The following COL24A1 variants were observed in gnomAD, a reference collection of about 807,000 sequenced individuals.
The protein encoded by COL24A1 is collagen type XXIV alpha 1 chain.
A neutral mutation model predicts 253.9 loss-of-function variants in COL24A1; 224 were observed. The ratio of observed to expected loss-of-function variants is 0.88; its 90% CI spans 0.79 to 0.99. The LOEUF is 0.99. COL24A1 is among the 50% of genes least tolerant of loss of function. COL24A1 has a pLI of 0.00. For missense variants in COL24A1, 2,131 were observed against 2,068.5 expected (o/e 1.03, Z -0.59); for synonymous variants, 685 against 673.7 (o/e 1.02, Z -0.26).
intron 53 of COL24A1, 131 bp downstream of exon 53, chr1:85,775,543 A>C (rs891326988): frequency 2.8e-6 from 2 of 725,924 alleles, no homozygotes; most frequent in Non-Finnish European, 4.5e-6. Context: ...ACTTCCTGAC[A>C]ACTGCAATTT....
intron 44 of COL24A1, 30 bp from the exon 45 acceptor site, chr1:85,823,619 T>C (rs760120297): frequency 1.2e-6 from 2 of 1,613,640 alleles, no homozygotes; most frequent in South Asian, 2.2e-5. Flanking sequence ...AAAAATCACA[T>C]ATGAAGCAGA....
At chr1:85,839,018 C>T (rs921870947) in intron 42 of COL24A1, among the ~76,000 whole-genome samples, 3 of 151,468 alleles carry the variant, frequency 2.0e-5, no homozygotes, top group East Asian at 2.0e-4. Context: ...TGGGCAATAA[C>T]GTGAGACCCT....
intron 45 of COL24A1, among the ~76,000 whole-genome samples, chr1:85,820,998 A>T (rs193096076): frequency 6.6e-6 from 1 of 152,380 alleles, no homozygotes; most frequent in Non-Finnish European, 1.5e-5. Context: ...TTAAGAAGGC[A>T]GCTTTATAAA....
chr1:86,058,318 A>T (rs1017993315), intron 9 of COL24A1, among the ~76,000 whole-genome samples: 5 of 151,348 alleles, frequency 3.3e-5, no homozygotes, highest in Admixed American at 6.6e-5. Flanking sequence ...AGGCCCATAA[A>T]TTTTTTTTAA....
intron 3 of COL24A1, among the ~76,000 whole-genome samples, chr1:86,119,766 T>C (rs1183972515): frequency 1.3e-5 from 2 of 152,040 alleles, no homozygotes; most frequent in African/African-American, 2.4e-5. Flanking sequence ...TAAAAATGAA[T>C]AATAACCAGA....
chr1:86,089,079 C>T (rs763341132), intron 7 of COL24A1, 95 bp downstream of exon 7: 1 of 942,860 alleles, frequency 1.1e-6, no homozygotes, highest in Non-Finnish European at 1.6e-6. Flanking sequence ...ATCCATATAT[C>T]ATCCAATTAT....
chr1:86,013,121 G>T (rs1184338687), intron 19 of COL24A1, among the ~76,000 whole-genome samples: 1 of 152,154 alleles, frequency 6.6e-6, no homozygotes, highest in Admixed American at 6.5e-5. Context: ...GAAGTAATTT[G>T]CTCAAGGTAC....
At position 85,778,889 on chromosome 1, in the gene COL24A1, C is replaced by T. The variant is rs552854304; in HGVS notation, c.4338+2331G>A. Reference sequence around the variant, plus strand: ...AAAGTGCTGGGATTACAAGCATGAGCCACTGCGCTTGGCCTCTTCTAAGAT... The same window carrying T: ...AAAGTGCTGGGATTACAAGCATGAGTCACTGCGCTTGGCCTCTTCTAAGAT... On this transcript the variant is annotated intron_variant, in intron 52 of 59. Coordinates refer to ENST00000370571, the MANE Select transcript of COL24A1 (RefSeq NM_152890.7). Among the ~76,000 whole-genome samples, 7 of 152,294 alleles carry T rather than the reference C, an allele frequency of 4.6e-5. No individual in the cohort carries two copies. The South Asian group carries it at 1.4e-3, about 32-fold the overall frequency.
At chr1:86,114,118 T>G (rs770260818) in intron 4 of COL24A1, among the ~76,000 whole-genome samples, 1 of 152,134 alleles carries the variant, frequency 6.6e-6, no homozygotes, top group Non-Finnish European at 1.5e-5. Context: ...ACTTGTTGGT[T>G]GTTGCCAAAT....
At chr1:85,798,561 G>A (rs562544992) in intron 47 of COL24A1, among the ~76,000 whole-genome samples, 17 of 152,302 alleles carry the variant, frequency 1.1e-4, no homozygotes, top group Admixed American at 9.8e-4. Context: ...TTTCTTTCGT[G>A]TGACTAGCCT....
chr1:86,023,862 C>CT (rs1214666571), intron 14 of COL24A1, among the ~76,000 whole-genome samples: 1 of 151,996 alleles, frequency 6.6e-6, no homozygotes, highest in East Asian at 1.9e-4. Context: ...CCTTTTTCTT[C>CT]TTTTTCTCAC....
intron 2 of COL24A1, among the ~76,000 whole-genome samples, chr1:86,133,400 T>C (rs967467848): frequency 6.6e-5 from 10 of 152,068 alleles, no homozygotes; most frequent in African/African-American, 2.4e-4. Context: ...TGAGTAGGAG[T>C]GGTGAGAGAG....
intron 43 of COL24A1, among the ~76,000 whole-genome samples, chr1:85,833,696 G>A (rs1675640287): frequency 6.6e-6 from 1 of 152,138 alleles, no homozygotes; most frequent in Non-Finnish European, 1.5e-5. Flanking sequence ...ATTCACAATA[G>A]CAAAGACTTG....
At chr1:86,146,044 T>C in intron 2 of COL24A1, 75 bp downstream of exon 2, 1 of 1,199,274 alleles carries the variant, frequency 8.3e-7, no homozygotes, top group Middle Eastern at 2.0e-4. Flanking sequence ...TATAATGAGT[T>C]GAAAGTTATG....
chr1:85,860,467 C>T (rs1281249824), intron 37 of COL24A1, among the ~76,000 whole-genome samples: 3 of 152,186 alleles, frequency 2.0e-5, no homozygotes, highest in African/African-American at 7.2e-5. Context: ...GTGGGCCAGG[C>T]ACAGTGGCTC....
intron 8 of COL24A1, among the ~76,000 whole-genome samples, chr1:86,061,884 G>A (rs1701117318): frequency 6.6e-6 from 1 of 151,966 alleles, no homozygotes. Flanking sequence ...CAGAAAATTA[G>A]GAAGCCTGCC....
chr1:85,921,215 C>T (rs12564781), intron 24 of COL24A1, among the ~76,000 whole-genome samples: 2 of 152,094 alleles, frequency 1.3e-5, no homozygotes, highest in African/African-American at 2.4e-5. Flanking sequence ...CCTGGAAAAT[C>T]GGGACACTCC....
chr1:86,067,151 A>G (rs12733714), intron 7 of COL24A1, among the ~76,000 whole-genome samples: 12,884 of 151,436 alleles, frequency 0.085, 592 homozygotes, highest in Middle Eastern at 0.14. Context: ...AAAAGAAGAA[A>G]AAAAAAAAAA....
At chr1:85,761,888 A>T (rs1293815619) in intron 53 of COL24A1, among the ~76,000 whole-genome samples, 1 of 152,152 alleles carries the variant, frequency 6.6e-6, no homozygotes, top group Non-Finnish European at 1.5e-5. Flanking sequence ...ACTACCATCC[A>T]CCTAATCATC....
Sources: allele counts gnomAD v4.1 joint callset (sites outside exome capture counted in the v4.1 genomes callset), GRCh38; gene constraint gnomAD v4.1.1; transcripts MANE v1.5; gene names NCBI Gene and HGNC (gene_info 2026-07-23, HGNC 2026-07-21).